CEP162: variants seen among roughly 807,000 people sequenced by gnomAD.
The protein encoded by CEP162 is centrosomal protein of 162 kDa.
CEP162 carries 141 observed loss-of-function variants against 169.2 expected under a neutral mutation model. The observed-to-expected ratio is 0.83, with a 90% CI of 0.73 to 0.96. The LOEUF is 0.96. Ranked by LOEUF, CEP162 falls within the 40% of genes least tolerant of loss-of-function variation. The pLI is 0.00. For synonymous variants in CEP162, 540 were observed against 526.4 expected, an observed-to-expected ratio of 1.03 and a Z score of -0.35; for missense variants, 1,600 against 1,587.2, an observed-to-expected ratio of 1.01 and a Z score of -0.14.
intron 25 of CEP162, among the ~76,000 whole-genome samples, chr6:84,132,300 A>G (rs1241244511): frequency 6.6e-6 from 1 of 151,948 alleles, no homozygotes; most frequent in Non-Finnish European, 1.5e-5. Context: ...TCAACTTTGG[A>G]GAATCTGATA....
At chr6:84,193,551 A>G in intron 11 of CEP162, 58 bp downstream of exon 11, 5 of 1,022,456 alleles carry the variant, frequency 4.9e-6, no homozygotes, top group Non-Finnish European at 5.9e-6. Flanking sequence ...GAATGATTAC[A>G]TAGAACAAAT....
At chr6:84,153,291 C>T (rs1167647168) in intron 22 of CEP162, 112 bp from the exon 23 acceptor site, 5 of 913,668 alleles carry the variant, frequency 5.5e-6, no homozygotes, top group Non-Finnish European at 6.4e-6. Context: ...ACTCATTATA[C>T]ATTCTGATGT....
At chr6:84,190,019 C>T (rs1272983055) in intron 11 of CEP162, among the ~76,000 whole-genome samples, 2 of 151,606 alleles carry the variant, frequency 1.3e-5, no homozygotes, top group Non-Finnish European at 2.9e-5. Flanking sequence ...CAATCAGCAC[C>T]CTGTGTTTAG....
intron 6 of CEP162, among the ~76,000 whole-genome samples, chr6:84,212,580 A>G (rs781733511): frequency 1.3e-5 from 2 of 151,798 alleles, no homozygotes; most frequent in Admixed American, 6.5e-5. Flanking sequence ...ATGGAATACT[A>G]TAAGTAATAC....
chr6:84,178,979 A>C, intron 13 of CEP162, among the ~76,000 whole-genome samples: 1 of 152,172 alleles, frequency 6.6e-6, no homozygotes, highest in Non-Finnish European at 1.5e-5. Flanking sequence ...GTCCCTACAA[A>C]GGACATGAAC....
chr6:84,183,161 T>A (rs1001418763), intron 13 of CEP162, among the ~76,000 whole-genome samples: 5 of 152,198 alleles, frequency 3.3e-5, no homozygotes, highest in Non-Finnish European at 5.9e-5. Flanking sequence ...GTGTTTTTTT[T>A]TATTTTGGAT....
chr6:84,191,536 TTA>T (rs2127720986), intron 11 of CEP162, among the ~76,000 whole-genome samples: 1 of 152,312 alleles, frequency 6.6e-6, no homozygotes, highest in South Asian at 2.1e-4. Context: ...GGTTCCACCA[TTA>T]TATATTGGGA....
chr6:84,149,813 G>A, intron 23 of CEP162, 110 bp from the exon 24 acceptor site: 2 of 868,584 alleles, frequency 2.3e-6, no homozygotes, highest in East Asian at 5.3e-5. Context: ...AGGGGAAAAT[G>A]GGCACCAATA....
At chr6:84,131,672 T>C (rs996437482) in intron 25 of CEP162, among the ~76,000 whole-genome samples, 11 of 150,336 alleles carry the variant, frequency 7.3e-5, no homozygotes, top group Non-Finnish European at 1.0e-4. Context: ...CTGCTTTTTT[T>C]TTGTTTTGTT....
chr6:84,128,335 T>C (rs2099509774), intron 25 of CEP162, among the ~76,000 whole-genome samples: 1 of 152,086 alleles, frequency 6.6e-6, no homozygotes, highest in African/African-American at 2.4e-5. Flanking sequence ...TAATGAATTA[T>C]CCTCTAGAGA....
intron 3 of CEP162, among the ~76,000 whole-genome samples, chr6:84,220,593 T>C (rs2099553316): frequency 6.6e-6 from 1 of 152,168 alleles, no homozygotes; most frequent in African/African-American, 2.4e-5. Flanking sequence ...TTACTGCCCT[T>C]CAGCCTGGGC....
intron 8 of CEP162, among the ~76,000 whole-genome samples, chr6:84,201,280 AAAC>A (rs1446666881): frequency 7.1e-6 from 1 of 141,504 alleles, no homozygotes; most frequent in Non-Finnish European, 1.5e-5. Flanking sequence ...TCTGTCTCAC[AAAC>A]AACAAACAAA....
intron 1 of CEP162, among the ~76,000 whole-genome samples, chr6:84,227,074 G>A (rs1252998693): frequency 1.3e-5 from 2 of 152,198 alleles, no homozygotes; most frequent in Non-Finnish European, 2.9e-5. Flanking sequence ...AGCGAGGGAA[G>A]ACCGACAAAA....
intron 16 of CEP162, among the ~76,000 whole-genome samples, chr6:84,172,513 G>A (rs1291440381): frequency 6.6e-6 from 1 of 152,172 alleles, no homozygotes; most frequent in Non-Finnish European, 1.5e-5. Flanking sequence ...TTAAATACAT[G>A]AAGAATTAAC....
chr6:84,186,510 T>C lies in CEP162; in HGVS notation c.1223A>G (p.Lys408Arg), dbSNP rs774984795. ...DSQHVNLFFD[K>R]NDENVILQKT... ...TTGTAAAATCACATTCTCATCATTTTTGTCAAAAAAAAGGTTCACATGTTG... is the reference window on the plus strand; with the variant it reads ...TTGTAAAATCACATTCTCATCATTTCTGTCAAAAAAAAGGTTCACATGTTG... The change falls in exon 12 of 27, where the codon AAA (lysine) becomes AGA (arginine). Residue 408 changes from lysine to arginine, a missense_variant. Physicochemically the swap from Lys to Arg is conservative, Grantham distance 26. Coordinates refer to ENST00000403245, the MANE Select transcript of CEP162 (RefSeq NM_014895.4). 1 of 1,613,306 alleles carries C rather than the reference T, an allele frequency of 6.2e-7. No individual in the cohort carries two copies. Among genetic ancestry groups the C allele is most frequent in the Non-Finnish European group, 8.5e-7 (1 of 1,179,476 alleles).
At chr6:84,211,224 GAAAAAA>G (rs112773500) in intron 6 of CEP162, among the ~76,000 whole-genome samples, 1 of 142,238 alleles carries the variant, frequency 7.0e-6, no homozygotes, top group African/African-American at 2.6e-5. Flanking sequence ...TAGAGTGAAA[GAAAAAA>G]AAAAAGGATG....
At chr6:84,169,555 G>A (rs2099529171) in intron 17 of CEP162, 122 bp from the exon 18 acceptor site, 14 of 510,806 alleles carry the variant, frequency 2.7e-5, no homozygotes, top group East Asian at 6.5e-5. Flanking sequence ...CATAAATGAA[G>A]GTAAAATTTT....
chr6:84,184,613 A>T (rs1390156251), intron 13 of CEP162, among the ~76,000 whole-genome samples: 3 of 151,240 alleles, frequency 2.0e-5, no homozygotes, highest in Non-Finnish European at 4.4e-5. Context: ...TTCCAACCTC[A>T]CTCTGTTTCC....
chr6:84,204,640 T>A (rs572825348), intron 6 of CEP162, among the ~76,000 whole-genome samples: 9 of 152,162 alleles, frequency 5.9e-5, no homozygotes, highest in Non-Finnish European at 1.0e-4. Context: ...AGATCTAAAA[T>A]CGACACCCTA....
Sources: allele counts gnomAD v4.1 joint callset (sites outside exome capture counted in the v4.1 genomes callset), GRCh38; gene constraint gnomAD v4.1.1; transcripts MANE v1.5; gene names NCBI Gene and HGNC (gene_info 2026-07-23, HGNC 2026-07-21).